Variants in ROS1 observed in about 807,000 individuals in gnomAD.
The protein encoded by ROS1 is proto-oncogene tyrosine-protein kinase ROS.
In ROS1, 263 loss-of-function variants were observed where a neutral mutation model predicts 273.5. The ratio of observed to expected loss-of-function variants is 0.96; its 90% confidence interval spans 0.87 to 1.06. The LOEUF (loss-of-function observed/expected upper bound fraction) is 1.06. Among genes scored for constraint, ROS1 ranks in the 50% least tolerant of loss-of-function variants. ROS1 has a pLI of 0.00. For synonymous variants in ROS1, 1,008 were observed against 954.1 expected (o/e 1.06, Z -1.04); for missense variants, 2,833 against 2,751.1 (o/e 1.03, Z -0.67).
intron 27 of ROS1, among the ~76,000 whole-genome samples, chr6:117,346,441 C>G (rs536923812): frequency 3.3e-5 from 5 of 151,652 alleles, no homozygotes; most frequent in Non-Finnish European, 7.4e-5. Context: ...TAATCATACT[C>G]TTAATGAGTT....
intron 7 of ROS1, among the ~76,000 whole-genome samples, chr6:117,399,494 C>T (rs1360414116): frequency 6.6e-6 from 1 of 152,188 alleles, no homozygotes; most frequent in African/African-American, 2.4e-5. Context: ...GGAAAATGCC[C>T]CAACCCACTT....
At chr6:117,390,619 A>T (rs1332993591) in intron 12 of ROS1, among the ~76,000 whole-genome samples, 1 of 152,228 alleles carries the variant, frequency 6.6e-6, no homozygotes. Flanking sequence ...TTAATTGTAC[A>T]GTTATCATTT....
At position 117,366,211 on chromosome 6, in the gene ROS1, C is replaced by A. The variant is rs778372043; in HGVS notation, c.2662G>T (p.Gly888Cys). Reference protein sequence around the residue: ...ISQNALMYYSGRLFWINGFRI... With the variant: ...ISQNALMYYSCRLFWINGFRI... The stretch of plus-strand genomic sequence containing the variant: ...AAGCCATTGATCCAGAACAGCCGAC[C>A]ACTATAGTACATCAGTGCATTCTGG... The change falls in exon 19 of 44, where the codon GGT becomes TGT. Residue 888 changes from glycine to cysteine, a missense_variant. Transcript: ENST00000368507. 29 of 1,613,934 alleles carry A rather than the reference C, an allele frequency of 1.8e-5. No individual in the cohort carries two copies. Among genetic ancestry groups the A allele is most frequent in the Non-Finnish European group, 1.9e-5 (22 of 1,180,002 alleles).
At chr6:117,344,298 T>C (rs769724438) in intron 27 of ROS1, 36 bp from the exon 28 acceptor site, 27 of 1,468,146 alleles carry the variant, frequency 1.8e-5, no homozygotes, top group Non-Finnish European at 2.2e-5. Context: ...TAAATATCTA[T>C]ACTATATATA....
chr6:117,298,749 A>T (rs904889260), intron 43 of ROS1, among the ~76,000 whole-genome samples: 6 of 152,230 alleles, frequency 3.9e-5, no homozygotes, highest in Non-Finnish European at 5.9e-5. Context: ...TCTAGCTTCC[A>T]AGAGAAAGAA....
chr6:117,396,328 T>C lies in ROS1; in HGVS notation c.807-64A>G, dbSNP rs971032372. 3.6e-6 allele frequency: 4 copies of C among 1,121,870 alleles called. No individual in the cohort carries two copies. The African/African-American group carries it at 4.6e-5, about 13-fold the overall frequency. The allele number at this position is 1,121,870 out of a possible 1,614,324, so 69.5% of individuals were successfully genotyped here. A position where few individuals can be genotyped will look rare whatever the true frequency, so the allele number is the denominator to read the frequency against. The stretch of plus-strand genomic sequence containing the variant: ...GCATGGTGTGAACATGAGATAAAAA[T>C]AGAAGGAGCAATAACATTTCTATTT... On this transcript the variant is annotated intron_variant, in intron 8 of 43. Coordinates refer to ENST00000368507, the MANE Select transcript of ROS1 (RefSeq NM_001378902.1).
chr6:117,360,098 A>G, intron 23 of ROS1, 87 bp from the exon 24 acceptor site: 1 of 1,063,232 alleles, frequency 9.4e-7, no homozygotes, highest in Non-Finnish European at 1.4e-6. Flanking sequence ...GGCAGTTTTG[A>G]AGTCCATGGG....
At chr6:117,418,166 C>T (rs1054354371) in intron 2 of ROS1, among the ~76,000 whole-genome samples, 2 of 152,102 alleles carry the variant, frequency 1.3e-5, no homozygotes, top group Admixed American at 1.3e-4. Flanking sequence ...ATATTGGAGA[C>T]GATCTCAAAT....
intron 41 of ROS1, among the ~76,000 whole-genome samples, chr6:117,309,783 A>AT (rs2128547458): frequency 6.6e-6 from 1 of 152,264 alleles, no homozygotes; most frequent in South Asian, 2.1e-4. Flanking sequence ...TTGGACATTA[A>AT]TTCCTAAGTA....
At position 117,342,449 on chromosome 6, in the gene ROS1, C is replaced by T; in HGVS notation, c.4602G>A (p.Leu1534=). The T allele has an allele frequency of 6.2e-7, 1 of 1,611,062 alleles. No homozygotes were observed. The highest frequency in any genetic ancestry group is 8.5e-7 in the Non-Finnish European group (1 of 1,178,460). The change falls in exon 29 of 44, where the codon TTG becomes TTA. Residue 1534 remains leucine, a synonymous_variant. Transcript: ENST00000368507. ...IAVKNYYSDP[L]EHLPPGKEIW... Reference sequence around the variant, plus strand: ...TCTCTTTTCCTGGTGGTAAATGTTCCAAAGGATCTGAATAATAATTTTTTA... The same window carrying T: ...TCTCTTTTCCTGGTGGTAAATGTTCTAAAGGATCTGAATAATAATTTTTTA...
At position 117,375,736 on chromosome 6, in the gene ROS1, T is replaced by C. The variant is rs1781279210; in HGVS notation, c.2582+3323A>G. On this transcript the variant is annotated intron_variant, in intron 18 of 43. Transcript: ENST00000368507. The stretch of plus-strand genomic sequence containing the variant: ...AAGGAATCTTTAAGATGAAGAATAT[T>C]AGCATAGATGAATAGGAGTATTTTA... Among the ~76,000 whole-genome samples the C allele has an allele frequency of 2.0e-5, 3 of 152,172 alleles. No individual in the cohort carries two copies. The South Asian group carries it at 6.2e-4, about 32-fold the overall frequency.
intron 5 of ROS1, among the ~76,000 whole-genome samples, chr6:117,404,976 CG>C (rs36126381): frequency 0.059 from 9,016 of 152,264 alleles, 318 homozygotes; most frequent in Middle Eastern, 0.092. Context: ...AAACATTAGA[CG>C]TATTACAATT....
chr6:117,338,642 C>G (rs760556548), intron 31 of ROS1, among the ~76,000 whole-genome samples: 5 of 152,118 alleles, frequency 3.3e-5, no homozygotes, highest in Middle Eastern at 6.8e-3. Context: ...TCCAAACCAT[C>G]AAGAAATTAT....
intron 26 of ROS1, among the ~76,000 whole-genome samples, chr6:117,354,280 G>C (rs953145157): frequency 3.3e-5 from 5 of 152,002 alleles, no homozygotes; most frequent in Admixed American, 1.3e-4. Flanking sequence ...CTGAGCCTGG[G>C]AGATGGAGGC....
intron 22 of ROS1, among the ~76,000 whole-genome samples, chr6:117,361,461 CTGTG>C (rs1779795909): frequency 6.7e-6 from 1 of 148,626 alleles, no homozygotes; most frequent in African/African-American, 2.5e-5. Context: ...TTGTACAAAA[CTGTG>C]TTAAATGAAA....
At chr6:117,354,635 A>T (rs558598947) in intron 26 of ROS1, among the ~76,000 whole-genome samples, 1 of 152,338 alleles carries the variant, frequency 6.6e-6, no homozygotes, top group East Asian at 1.9e-4. Flanking sequence ...TTGCAACATC[A>T]TAACATCTAA....
At chr6:117,350,607 T>G (rs568252186) in intron 27 of ROS1, among the ~76,000 whole-genome samples, 1 of 152,034 alleles carries the variant, frequency 6.6e-6, no homozygotes. Flanking sequence ...TCTCTTCTTT[T>G]TCTAGTATTC....
chr6:117,394,854 G>A, intron 9 of ROS1, 116 bp from the exon 10 acceptor site: 1 of 877,574 alleles, frequency 1.1e-6, no homozygotes, highest in Middle Eastern at 2.4e-4. Flanking sequence ...AAAGAGGCTG[G>A]TCAAATTTTC....
chr6:117,352,238 G>A lies in ROS1; in HGVS notation c.4303+752C>T, dbSNP rs921277400. Among the ~76,000 whole-genome samples the A allele has an allele frequency of 1.3e-4, 20 of 152,250 alleles. 1 individual carries two copies. The highest frequency in any genetic ancestry group is 6.8e-3 in the Middle Eastern group (2 of 294). On this transcript the variant is annotated intron_variant, in intron 27 of 43. Transcript: ENST00000368507. ...TGGGACTACAGGCACCTGCCACTAC[G>A]CTGGGCTAATTTTTTTGGCAATACT...
Sources: allele counts gnomAD v4.1 joint callset (sites outside exome capture counted in the v4.1 genomes callset), GRCh38; gene constraint gnomAD v4.1.1; transcripts MANE v1.5; gene names NCBI Gene and HGNC (gene_info 2026-07-23, HGNC 2026-07-21).